The following SARS2 variants were observed in gnomAD, a reference collection of about 807,000 sequenced individuals.
The protein encoded by SARS2 is serine--tRNA ligase, mitochondrial.
In SARS2, 52 loss-of-function variants were observed where a neutral mutation model predicts 66.8. The observed-to-expected ratio is 0.78, with a 90% confidence interval of 0.62 to 0.98. SARS2 has a LOEUF of 0.98. Ranked by LOEUF, SARS2 falls within the 50% of genes least tolerant of loss-of-function variation. SARS2 has a pLI of 0.00. For synonymous variants in SARS2, 306 were observed against 281.4 expected (o/e 1.09, Z -0.87); for missense variants, 673 against 706.3 (o/e 0.95, Z 0.53).
At chr19:38,920,513 C>T (rs902933834) in intron 5 of SARS2, among the ~76,000 whole-genome samples, 16 of 151,686 alleles carry the variant, frequency 1.1e-4, no homozygotes, top group South Asian at 4.2e-4. Context: ...GAAAAAGCCC[C>T]GGAGACAGGG....
rs200300920 is a variant in SARS2, at chr19:38,919,878, G to C, written c.654-11C>G. On this transcript the variant is annotated splice_polypyrimidine_tract_variant and intron_variant, in intron 6 of 15. Coordinates refer to ENST00000221431, the MANE Select transcript of SARS2 (RefSeq NM_017827.4). Reference sequence around the variant, plus strand: ...ACGTGGGACAGGCGCCTGGGAGACAGACAGACAGGCGGGTGCACATGGGCC... The same window carrying C: ...ACGTGGGACAGGCGCCTGGGAGACACACAGACAGGCGGGTGCACATGGGCC... 420 of 1,611,802 alleles carry C rather than the reference G, an allele frequency of 2.6e-4. No homozygotes were observed. Among genetic ancestry groups the C allele is most frequent in the Non-Finnish European group, 3.3e-4 (391 of 1,178,152 alleles).
At chr19:38,923,671 A>C (rs1974579772) in intron 2 of SARS2, among the ~76,000 whole-genome samples, 1 of 150,118 alleles carries the variant, frequency 6.7e-6, no homozygotes. Context: ...CTCATCTCTA[A>C]AACCTTGTAC....
intron 7 of SARS2, 26 bp from the exon 8 acceptor site, chr19:38,918,839 C>G (rs1186967632): frequency 1.9e-6 from 3 of 1,554,542 alleles, no homozygotes; most frequent in East Asian, 4.8e-5. Context: ...GATGAGTGAG[C>G]AGAGCTGGGA....
At chr19:38,916,399 C>A in intron 12 of SARS2, 85 bp from the exon 13 acceptor site, 5 of 1,265,032 alleles carry the variant, frequency 4.0e-6, no homozygotes, top group Non-Finnish European at 5.7e-6. Context: ...GAAGAGAAGG[C>A]AGCCAAAAAG....
chr19:38,916,499 T>C (rs1050005952), intron 12 of SARS2, among the ~76,000 whole-genome samples, 185 bp from the exon 13 acceptor site: 5 of 151,710 alleles, frequency 3.3e-5, no homozygotes, highest in Non-Finnish European at 7.4e-5. Context: ...AAGGAGACGA[T>C]AGTGCCAAAG....
At chr19:38,916,381 A>T in intron 12 of SARS2, 67 bp from the exon 13 acceptor site, 1 of 1,411,016 alleles carries the variant, frequency 7.1e-7, no homozygotes, top group East Asian at 2.4e-5. Context: ...GAACAAATGG[A>T]AACGATGGAA....
chr19:38,921,815 C>T, intron 3 of SARS2, 148 bp from the exon 4 acceptor site: 1 of 1,343,670 alleles, frequency 7.4e-7, no homozygotes, highest in Non-Finnish European at 1.0e-6. Context: ...GCAGAACTTC[C>T]CTTACCACCA....
chr19:38,924,486 G>C (rs1249761645), intron 2 of SARS2, among the ~76,000 whole-genome samples: 1 of 152,170 alleles, frequency 6.6e-6, no homozygotes, highest in Non-Finnish European at 1.5e-5. Flanking sequence ...GCTTTCATTG[G>C]TTGTCCATGA....
chr19:38,921,632 C>T lies in SARS2; in HGVS notation c.429G>A (p.Arg143=). Residue 143 remains arginine, a synonymous_variant, in exon 4 of 16, where the codon CGG becomes CGA. Transcript: ENST00000221431. ...PKYQGLRARG[R]EIRKELVHLY... ...GGTGAACAAGCTCCTTCCGGATCTC[C>T]CGGCCACGTGCCCGCAGACCCTGGT... 1 of 1,614,224 alleles carries T rather than the reference C, an allele frequency of 6.2e-7. No homozygotes were observed. The highest frequency in any genetic ancestry group is 8.5e-7 in the Non-Finnish European group (1 of 1,180,034).
intron 2 of SARS2, among the ~76,000 whole-genome samples, chr19:38,925,075 A>C (rs1974604908): frequency 6.6e-6 from 1 of 152,190 alleles, no homozygotes; most frequent in African/African-American, 2.4e-5. Context: ...GCACTTTGGG[A>C]GGCCAAGGCG....
chr19:38,921,615 A>G lies in SARS2; in HGVS notation c.446T>C (p.Leu149Pro), dbSNP rs762785941. 12 of 1,614,038 alleles carry G rather than the reference A, an allele frequency of 7.4e-6. No homozygotes were observed. Among genetic ancestry groups the G allele is most frequent in the Admixed American group, 1.7e-5 (1 of 60,004 alleles). ...RARGREIRKE[L>P]VHLYPREAQL... ...GGCCTCCCTGGGGTACAGGTGAACAAGCTCCTTCCGGATCTCCCGGCCACG... is the reference window on the plus strand; with the variant it reads ...GGCCTCCCTGGGGTACAGGTGAACAGGCTCCTTCCGGATCTCCCGGCCACG... Residue 149 changes from leucine to proline, a missense_variant, in exon 4 of 16, where the codon CTT (leucine) becomes CCT (proline). By Grantham distance (98) the Leu-to-Pro change is moderately conservative. Coordinates refer to ENST00000221431, the MANE Select transcript of SARS2 (RefSeq NM_017827.4).
chr19:38,915,371 A>G lies in SARS2; in HGVS notation c.*235T>C, dbSNP rs1185163468. 2 of 584,818 alleles carry G rather than the reference A, an allele frequency of 3.4e-6. No homozygotes were observed. Among genetic ancestry groups the G allele is most frequent in the East Asian group, 5.6e-5 (2 of 35,914 alleles). The allele number at this position is 584,818 out of a possible 1,614,324, so 36.2% of individuals were successfully genotyped here. A position where few individuals can be genotyped will look rare whatever the true frequency, so the allele number is the denominator to read the frequency against. On this transcript the variant is annotated 3_prime_UTR_variant, in exon 16 of 16. Coordinates refer to ENST00000221431, the MANE Select transcript of SARS2 (RefSeq NM_017827.4). ...CTGCTTCTCCTGTCCCTAGAACCGTAAAGCCCAGACGTCCTGCTTCCCACT... is the reference window on the plus strand; with the variant it reads ...CTGCTTCTCCTGTCCCTAGAACCGTGAAGCCCAGACGTCCTGCTTCCCACT...
At chr19:38,925,693 G>A (rs915200878) in intron 2 of SARS2, among the ~76,000 whole-genome samples, 4 of 152,182 alleles carry the variant, frequency 2.6e-5, no homozygotes, top group Non-Finnish European at 4.4e-5. Context: ...TGAAGTTGCC[G>A]GTACAGAGAG....
At chr19:38,922,178 G>T in intron 3 of SARS2, 60 bp downstream of exon 3, 1 of 1,601,606 alleles carries the variant, frequency 6.2e-7, no homozygotes, top group South Asian at 1.1e-5. Context: ...AATCGTGACT[G>T]GCAGGGTATC....
At chr19:38,919,233 G>A (rs917842545) in intron 7 of SARS2, among the ~76,000 whole-genome samples, 4 of 152,188 alleles carry the variant, frequency 2.6e-5, no homozygotes, top group African/African-American at 9.7e-5. Context: ...GTTGCAGTGA[G>A]CCAAGATTGC....
intron 5 of SARS2, 147 bp downstream of exon 5, chr19:38,921,245 A>G (rs1974528953): frequency 1.2e-6 from 1 of 826,702 alleles, no homozygotes; most frequent in Non-Finnish European, 2.0e-6. Context: ...GAGCTCGGCC[A>G]AGGCAGGAAG....
Position 38,916,276 on chromosome 19 carries a change from G to T in SARS2, c.1199C>A (p.Ala400Asp), listed in dbSNP as rs1404331393. Residue 400 changes from alanine to aspartate, a missense_variant, in exon 13 of 16, where the codon GCC becomes GAC. By Grantham distance (126) the Ala-to-Asp change is moderately radical. Coordinates refer to ENST00000221431, the MANE Select transcript of SARS2 (RefSeq NM_017827.4). Reference protein sequence around the residue: ...DMPTQELGLPAYRKFDIEAWM... With the variant: ...DMPTQELGLPDYRKFDIEAWM... ...GGCCTCAATGTCAAACTTGCGGTAG[G>T]CGGGGAGGCCCAGTTCTTGGGTGGG... 1 of 1,614,132 alleles carries T rather than the reference G, an allele frequency of 6.2e-7. No individual in the cohort carries two copies. The highest frequency in any genetic ancestry group is 2.2e-5 in the East Asian group (1 of 44,854).
chr19:38,922,241 C>T lies in SARS2; in HGVS notation c.390G>A (p.Gln130=), dbSNP rs61736057. Residue 130 remains glutamine, a synonymous_variant, in exon 3 of 16, where the codon CAG becomes CAA. Transcript: ENST00000221431. ...LLANQDSGEV[Q]QDPKYQGLRA... is the part of the protein sequence containing the mutation. Reference sequence around the variant, plus strand: ...GGACATCAACTCTTCACAGTACCTGCTGCACTTCACCACTGTCCTGGTTTG... The same window carrying T: ...GGACATCAACTCTTCACAGTACCTGTTGCACTTCACCACTGTCCTGGTTTG... The T allele has an allele frequency of 6.0e-4, 965 of 1,614,128 alleles. 5 individuals are homozygous for T. Among genetic ancestry groups the T allele is most frequent in the African/African-American group, 5.9e-3 (445 of 75,042 alleles).
chr19:38,923,185 G>T (rs1200432038), intron 2 of SARS2, among the ~76,000 whole-genome samples: 3 of 141,922 alleles, frequency 2.1e-5, no homozygotes, highest in Admixed American at 7.3e-5. Context: ...GATTACAGGC[G>T]TGAGCCACCG....
Sources: allele counts gnomAD v4.1 joint callset (sites outside exome capture counted in the v4.1 genomes callset), GRCh38; gene constraint gnomAD v4.1.1; transcripts MANE v1.5; gene names NCBI Gene and HGNC (gene_info 2026-07-23, HGNC 2026-07-21).